Variants in TMEM245 observed in about 807,000 individuals in gnomAD.
The protein encoded by TMEM245 is protein CG-2.
A neutral mutation model predicts 101.2 loss-of-function variants in TMEM245; 69 were observed. That is an observed-to-expected ratio of 0.68 (90% CI 0.56 to 0.83). TMEM245 has a LOEUF of 0.83. Ranked by LOEUF, TMEM245 falls within the 40% of genes least tolerant of loss-of-function variation. The probability of loss-of-function intolerance (pLI) is 0.00; values close to 1 mark genes in which losing one functional copy is unlikely to be tolerated. For missense variants in TMEM245, 1,075 were observed against 1,092.8 expected (o/e 0.98, Z 0.23); for synonymous variants, 537 against 449.8 (o/e 1.19, Z -2.45).
At chr9:109,032,276 C>T (rs1827968012) in intron 17 of TMEM245, among the ~76,000 whole-genome samples, 3 of 150,618 alleles carry the variant, frequency 2.0e-5, no homozygotes, top group Admixed American at 1.3e-4. Flanking sequence ...TTCAAATTTC[C>T]CCAATTGTTT....
intron 3 of TMEM245, among the ~76,000 whole-genome samples, chr9:109,094,873 T>A (rs960715514): frequency 5.3e-5 from 8 of 152,266 alleles, no homozygotes; most frequent in African/African-American, 1.9e-4. Context: ...GTCACCCCAA[T>A]GAAAAGAGCC....
At chr9:109,067,780 G>A (rs891082682) in intron 9 of TMEM245, among the ~76,000 whole-genome samples, 2 of 152,084 alleles carry the variant, frequency 1.3e-5, no homozygotes, top group African/African-American at 4.8e-5. Flanking sequence ...ACCAGCTTAC[G>A]AGGCACATCC....
At chr9:109,056,882 C>T (rs1391879166) in intron 12 of TMEM245, among the ~76,000 whole-genome samples, 1 of 152,170 alleles carries the variant, frequency 6.6e-6, no homozygotes, top group African/African-American at 2.4e-5. Context: ...TCCAATGTAA[C>T]TGGAACCATA....
At chr9:109,051,561 T>C (rs1828686921) in intron 12 of TMEM245, among the ~76,000 whole-genome samples, 1 of 152,160 alleles carries the variant, frequency 6.6e-6, no homozygotes, top group Non-Finnish European at 1.5e-5. Context: ...CGTGTTACTG[T>C]ACTGAATACC....
chr9:109,089,986 C>T lies in TMEM245; in HGVS notation c.1150+936G>A, dbSNP rs114039918. The stretch of plus-strand genomic sequence containing the variant: ...CAAAAATCATTCAATCTCAGCTAGG[C>T]GCAGTGGCTCACTCCTGTAATGCCA... On this transcript the variant is annotated intron_variant, in intron 5 of 17. Coordinates refer to ENST00000374586, the MANE Select transcript of TMEM245 (RefSeq NM_032012.4). Among the ~76,000 whole-genome samples the T allele has an allele frequency of 2.0e-3, 301 of 152,270 alleles. 3 individuals carry two copies. Among genetic ancestry groups the T allele is most frequent in the African/African-American group, 6.6e-3 (276 of 41,550 alleles).
intron 17 of TMEM245, among the ~76,000 whole-genome samples, chr9:109,029,346 G>A (rs549941328): frequency 8.0e-4 from 122 of 152,270 alleles, no homozygotes; most frequent in African/African-American, 2.9e-3. Context: ...GTCTTAGCAA[G>A]TGCCCATCAG....
chr9:109,040,207 C>T (rs1316055248), intron 14 of TMEM245, among the ~76,000 whole-genome samples: 1 of 152,160 alleles, frequency 6.6e-6, no homozygotes, highest in African/African-American at 2.4e-5. Flanking sequence ...TTCCCCTCTA[C>T]CTCATTACTT....
chr9:109,030,541 TTTTC>T (rs1189809832), intron 17 of TMEM245, among the ~76,000 whole-genome samples: 2 of 152,238 alleles, frequency 1.3e-5, no homozygotes, highest in African/African-American at 4.8e-5. Context: ...CAATTATCTT[TTTTC>T]TTTGTGTTTG....
intron 1 of TMEM245, among the ~76,000 whole-genome samples, chr9:109,109,614 C>T (rs920445226): frequency 7.2e-5 from 11 of 152,062 alleles, no homozygotes; most frequent in African/African-American, 2.2e-4. Flanking sequence ...TAGCTTCTAA[C>T]CTCAGAATTC....
intron 14 of TMEM245, among the ~76,000 whole-genome samples, chr9:109,043,775 T>C (rs1345892826): frequency 2.0e-5 from 3 of 152,166 alleles, no homozygotes; most frequent in African/African-American, 4.8e-5. Context: ...GTCTTAGAGA[T>C]GTTCTCCTGT....
At chr9:109,114,823 A>G (rs1336369622) in intron 1 of TMEM245, among the ~76,000 whole-genome samples, 1 of 150,462 alleles carries the variant, frequency 6.6e-6, no homozygotes, top group African/African-American at 2.5e-5. Flanking sequence ...CCAAGAACTG[A>G]GTAACATGTG....
chr9:109,021,784 C>T (rs1827631335), intron 17 of TMEM245, among the ~76,000 whole-genome samples: 1 of 152,022 alleles, frequency 6.6e-6, no homozygotes, highest in Non-Finnish European at 1.5e-5. Context: ...GCCTGGGCAA[C>T]AAAATGAGAC....
chr9:109,098,932 C>A (rs1049231554), intron 3 of TMEM245, among the ~76,000 whole-genome samples: 8 of 152,198 alleles, frequency 5.3e-5, no homozygotes, highest in African/African-American at 1.9e-4. Flanking sequence ...TCTGTTAATA[C>A]AACAACTCAA....
chr9:109,048,021 G>A (rs188702351), intron 14 of TMEM245, among the ~76,000 whole-genome samples: 1 of 152,354 alleles, frequency 6.6e-6, no homozygotes, highest in Non-Finnish European at 1.5e-5. Flanking sequence ...CAGCAAAGAT[G>A]ATAGTCAATG....
intron 7 of TMEM245, among the ~76,000 whole-genome samples, chr9:109,082,645 CCT>C (rs1055933059): frequency 2.7e-5 from 3 of 110,870 alleles, no homozygotes; most frequent in African/African-American, 1.0e-4. Flanking sequence ...TAATGTAGAG[CCT>C]CTATTTTTTT....
chr9:109,084,634 T>C (rs926720635), intron 7 of TMEM245, among the ~76,000 whole-genome samples: 1 of 152,234 alleles, frequency 6.6e-6, no homozygotes, highest in Admixed American at 6.5e-5. Flanking sequence ...GAGCTTTCAT[T>C]GTGCCACTGC....
chr9:109,075,056 G>A (rs920276504), intron 8 of TMEM245, among the ~76,000 whole-genome samples: 8 of 152,162 alleles, frequency 5.3e-5, no homozygotes, highest in African/African-American at 9.7e-5. Context: ...AAGTTTGGAC[G>A]CTGTGTTGAA....
At chr9:109,022,445 C>A (rs1018576415) in intron 17 of TMEM245, among the ~76,000 whole-genome samples, 9 of 148,590 alleles carry the variant, frequency 6.1e-5, no homozygotes, top group African/African-American at 2.2e-4. Flanking sequence ...GATTTGTATA[C>A]GCACATGTAT....
intron 7 of TMEM245, among the ~76,000 whole-genome samples, chr9:109,081,666 C>T (rs1172103576): frequency 6.6e-6 from 1 of 152,088 alleles, no homozygotes; most frequent in Non-Finnish European, 1.5e-5. Flanking sequence ...TGAAATATTT[C>T]ATAATACATA....
Sources: gnomAD v4.1 joint callset for allele counts (sites outside exome capture counted in the v4.1 genomes callset) on GRCh38, gnomAD v4.1.1 for gene constraint, MANE v1.5 for transcripts, NCBI Gene and HGNC (gene_info 2026-07-23, HGNC 2026-07-21) for gene names.